LURAP1: variants seen among roughly 807,000 people sequenced by gnomAD.
The protein encoded by LURAP1 is leucine rich adaptor protein 1.
LURAP1 carries 14 observed loss-of-function variants against 19.0 expected under a neutral mutation model. That is an observed-to-expected ratio of 0.74 (90% CI 0.49 to 1.15). The LOEUF (loss-of-function observed/expected upper bound fraction) is 1.15. Among genes scored for constraint, LURAP1 ranks in the 50% most tolerant of loss-of-function variants. The probability of loss-of-function intolerance (pLI) is 0.00; values close to 1 mark genes in which losing one functional copy is unlikely to be tolerated. For missense variants in LURAP1, 273 were observed against 309.1 expected (o/e 0.88, Z 0.87); for synonymous variants, 129 against 131.8 (o/e 0.98, Z 0.14).
chr1:46,209,576 G>A (rs1360800217), intron 1 of LURAP1, among the ~76,000 whole-genome samples: 3 of 134,912 alleles, frequency 2.2e-5, no homozygotes, highest in Admixed American at 8.2e-5. Flanking sequence ...ATGGAGTCTC[G>A]CTCTGTTGCC....
Position 46,219,821 on chromosome 1 carries a change from C to T in LURAP1, c.321C>T (p.Leu107=), listed in dbSNP as rs566362961. The change falls in exon 2 of 2, where the codon CTC becomes CTT. Residue 107 remains leucine (L), a synonymous_variant. Coordinates refer to ENST00000371980, the MANE Select transcript of LURAP1 (RefSeq NM_001013615.3). ...RGTLTSHCSS[L]TSSQYSLTGG... is the part of the protein sequence containing the mutation. ...CGTTGACCAGTCATTGCAGCAGCCT[C>T]ACCAGCAGTCAATATAGCCTGACAG... The T allele has an allele frequency of 3.2e-5, 52 of 1,614,202 alleles. No homozygotes were observed. Among genetic ancestry groups the T allele is most frequent in the South Asian group, 1.5e-4 (14 of 91,078 alleles).
chr1:46,203,549 C>T lies in LURAP1; in HGVS notation c.123C>T (p.Gly41=). The change falls in exon 1 of 2, where the codon GGC becomes GGT. Residue 41 remains glycine, a synonymous_variant. Coordinates refer to ENST00000371980, the MANE Select transcript of LURAP1 (RefSeq NM_001013615.3). ...GCGAGTGTGAGCTGGGAACCTCTGG[C>T]GCCCTGCTGCTCCCAGGGGCGTCTA... ...LRGECELGTS[G]ALLLPGASST... 6.4e-7 allele frequency: 1 copy of T among 1,566,334 alleles called. No individual in the cohort carries two copies. Among genetic ancestry groups the T allele is most frequent in the Non-Finnish European group, 8.6e-7 (1 of 1,159,576 alleles).
chr1:46,218,842 G>T (rs1025653431), intron 1 of LURAP1, among the ~76,000 whole-genome samples: 16 of 151,924 alleles, frequency 1.1e-4, no homozygotes, highest in African/African-American at 3.6e-4. Flanking sequence ...TTCCCCTCTC[G>T]GTGGCTGCTA....
intron 1 of LURAP1, among the ~76,000 whole-genome samples, chr1:46,209,549 C>CTTTTTTTTTTTTT (rs397745964): frequency 1.6e-5 from 2 of 127,544 alleles, no homozygotes; most frequent in African/African-American, 3.0e-5. Context: ...TTTTTTTTTT[C>CTTTTTTTTTTTTT]TTTTTTTTTT....
In LURAP1 at chr1:46,203,346, C is replaced by A. The variant is rs558581752; in HGVS notation, c.-81C>A. 1.5e-6 allele frequency: 2 copies of A among 1,342,792 alleles called. No individual in the cohort carries two copies. Among genetic ancestry groups the A allele is most frequent in the Admixed American group, 2.9e-5 (1 of 34,152 alleles). The allele number at this position is 1,342,792 out of a possible 1,614,324, so 83.2% of individuals were successfully genotyped here. A position where few individuals can be genotyped will look rare whatever the true frequency, so the allele number is the denominator to read the frequency against. ...GCGGGGACCCACCGGTTTTGCTCCGCTTTAGCAGCGGCGAAGGGAGGACCC... is the reference window on the plus strand; with the variant it reads ...GCGGGGACCCACCGGTTTTGCTCCGATTTAGCAGCGGCGAAGGGAGGACCC... On this transcript the variant is annotated 5_prime_UTR_variant, in exon 1 of 2. Coordinates refer to ENST00000371980, the MANE Select transcript of LURAP1 (RefSeq NM_001013615.3).
chr1:46,209,935 T>C, intron 1 of LURAP1, among the ~76,000 whole-genome samples: 1 of 152,178 alleles, frequency 6.6e-6, no homozygotes, highest in East Asian at 1.9e-4. Context: ...TTAATGTATT[T>C]AGTTTGGTCA....
At position 46,220,162 on chromosome 1, in the gene LURAP1, TG is replaced by T; in HGVS notation, c.665del (p.Gly222AlafsTer15). ...TCACCAGAGGATGAGAGTGCCAAGC[TG>T]GGCTTCGAGGCCCACTGGTTCTGGG... Reference protein sequence around the residue: ...PESPEDESAKLGFEAHWFWEQ... With the variant: ...PESPEDESAKXGFEAHWFWEQ... On this transcript the variant is annotated frameshift_variant, in exon 2 of 2. Transcript: ENST00000371980. LOFTEE classifies it high-confidence loss of function. 1 of 1,614,124 alleles carries T rather than the reference TG, an allele frequency of 6.2e-7. No individual in the cohort carries two copies. Among genetic ancestry groups the T allele is most frequent in the Non-Finnish European group, 8.5e-7 (1 of 1,180,014 alleles).
intron 1 of LURAP1, 95 bp downstream of exon 1, chr1:46,203,719 A>G: frequency 8.0e-7 from 1 of 1,246,476 alleles, no homozygotes; most frequent in Non-Finnish European, 1.1e-6. Flanking sequence ...GAGAGGAGGT[A>G]GTTAAAACTC....
In LURAP1 at chr1:46,219,797, G is replaced by A. The variant is rs199561168; in HGVS notation, c.297G>A (p.Thr99=). Reference sequence around the variant, plus strand: ...GCTGGCTGTTGGAGGAGCGGGGGACGTTGACCAGTCATTGCAGCAGCCTCA... The same window carrying A: ...GCTGGCTGTTGGAGGAGCGGGGGACATTGACCAGTCATTGCAGCAGCCTCA... ...AVRWLLEERG[T]LTSHCSSLTS... Residue 99 remains threonine, a synonymous_variant, in exon 2 of 2, where the codon ACG becomes ACA. Coordinates refer to ENST00000371980, the MANE Select transcript of LURAP1 (RefSeq NM_001013615.3). 1.5e-5 allele frequency: 25 copies of A among 1,614,084 alleles called. No homozygotes were observed. Among genetic ancestry groups the A allele is most frequent in the African/African-American group, 2.7e-5 (2 of 74,944 alleles).
intron 1 of LURAP1, among the ~76,000 whole-genome samples, chr1:46,211,481 A>G (rs527714086): frequency 1.6e-3 from 241 of 151,854 alleles, no homozygotes; most frequent in African/African-American, 5.7e-3. Context: ...ACACACACAC[A>G]GTAATATCAC....
rs761621441 is a variant in LURAP1 at position 46,219,882 on chromosome 1, G to C, written c.382G>C (p.Asp128His). 37 of 1,613,792 alleles carry C rather than the reference G, an allele frequency of 2.3e-5. No homozygotes were observed. The highest frequency in any genetic ancestry group is 2.9e-5 in the Non-Finnish European group (34 of 1,179,866). Residue 128 changes from aspartate to histidine, a missense_variant, in exon 2 of 2, where the codon GAC becomes CAC. Coordinates refer to ENST00000371980, the MANE Select transcript of LURAP1 (RefSeq NM_001013615.3). ...AGGCCGCTCAAGGCGAGGCAGCTGG[G>C]ACAGCCTGCCAGACACCAGCACCAC... Reference protein sequence around the residue: ...SPGRSRRGSWDSLPDTSTTDR... With the variant: ...SPGRSRRGSWHSLPDTSTTDR...
At chr1:46,213,857 A>C (rs1658979069) in intron 1 of LURAP1, among the ~76,000 whole-genome samples, 1 of 151,862 alleles carries the variant, frequency 6.6e-6, no homozygotes, top group African/African-American at 2.4e-5. Context: ...TGATTAACTC[A>C]AGAAAAAAAA....
At chr1:46,208,862 TAAAA>T (rs1369035081) in intron 1 of LURAP1, among the ~76,000 whole-genome samples, 6 of 151,282 alleles carry the variant, frequency 4.0e-5, no homozygotes, top group Non-Finnish European at 7.4e-5. Flanking sequence ...AATAAATAAA[TAAAA>T]TAAATAAAAG....
Position 46,220,001 on chromosome 1 carries a change from C to G in LURAP1, c.501C>G (p.Ser167=). Residue 167 remains serine, a synonymous_variant, in exon 2 of 2, where the codon TCC becomes TCG. Transcript: ENST00000371980. The part of the protein sequence containing the change: ...DEQGPPGAPR[S]EMDWAKVIAG... ...AGGGCCCACCTGGGGCTCCACGTTCCGAGATGGACTGGGCAAAAGTTATAG... is the reference window on the plus strand; with the variant it reads ...AGGGCCCACCTGGGGCTCCACGTTCGGAGATGGACTGGGCAAAAGTTATAG... The G allele has an allele frequency of 6.2e-7, 1 of 1,614,232 alleles. No individual in the cohort carries two copies. The highest frequency in any genetic ancestry group is 8.5e-7 in the Non-Finnish European group (1 of 1,180,046).
chr1:46,215,446 G>A (rs1476845974), intron 1 of LURAP1, among the ~76,000 whole-genome samples: 8 of 152,282 alleles, frequency 5.3e-5, no homozygotes, highest in Admixed American at 2.0e-4. Flanking sequence ...TAACTCAATA[G>A]ATGAAAATAA....
intron 1 of LURAP1, among the ~76,000 whole-genome samples, chr1:46,215,669 T>A (rs1176838927): frequency 6.6e-6 from 1 of 152,216 alleles, no homozygotes; most frequent in Non-Finnish European, 1.5e-5. Context: ...GAGGCCAAGA[T>A]GGGCAGATCC....
intron 1 of LURAP1, among the ~76,000 whole-genome samples, chr1:46,209,027 T>C (rs1456471711): frequency 6.6e-6 from 1 of 152,116 alleles, no homozygotes; most frequent in African/African-American, 2.4e-5. Flanking sequence ...AAAGCAACAC[T>C]TTTTTATTTT....
intron 1 of LURAP1, among the ~76,000 whole-genome samples, chr1:46,216,337 C>T (rs1466798422): frequency 6.6e-6 from 1 of 151,684 alleles, no homozygotes; most frequent in Non-Finnish European, 1.5e-5. Flanking sequence ...TGAGCCACCA[C>T]GCTCGGCCCT....
At chr1:46,218,593 T>A (rs1365169510) in intron 1 of LURAP1, among the ~76,000 whole-genome samples, 1 of 152,196 alleles carries the variant, frequency 6.6e-6, no homozygotes, top group African/African-American at 2.4e-5. Context: ...TTGTAGATGT[T>A]CGGATTCGGC....
Sources: allele counts gnomAD v4.1 joint callset (sites outside exome capture counted in the v4.1 genomes callset), GRCh38; gene constraint gnomAD v4.1.1; transcripts MANE v1.5; gene names NCBI Gene and HGNC (gene_info 2026-07-23, HGNC 2026-07-21).